The following THSD7B variants were observed in gnomAD, a reference collection of about 807,000 sequenced individuals.
THSD7B encodes thrombospondin type-1 domain-containing protein 7B.
In THSD7B, 138 loss-of-function variants were observed where a neutral mutation model predicts 213.6. The observed-to-expected ratio is 0.65, with a 90% CI of 0.56 to 0.74. The LOEUF is 0.74. Among genes scored for constraint, THSD7B ranks in the 30% least tolerant of loss-of-function variants. THSD7B has a pLI of 0.00. For synonymous variants in THSD7B, 742 were observed against 687.0 expected (o/e 1.08, Z -1.25); for missense variants, 1,931 against 1,991.5 (o/e 0.97, Z 0.58).
At chr2:136,879,200 C>T (rs1156330402) in intron 1 of THSD7B, among the ~76,000 whole-genome samples, 1 of 152,108 alleles carries the variant, frequency 6.6e-6, no homozygotes, top group East Asian at 1.9e-4. Context: ...TTGTTTTTGT[C>T]AGGTTTGTCA....
chr2:137,531,245 A>C (rs183208547), intron 15 of THSD7B, among the ~76,000 whole-genome samples: 189 of 152,082 alleles, frequency 1.2e-3, no homozygotes, highest in African/African-American at 3.8e-3. Context: ...GGTCTTCAAG[A>C]TCAGTAAAGC....
At chr2:137,501,848 A>G (rs1321712284) in intron 15 of THSD7B, among the ~76,000 whole-genome samples, 1 of 152,240 alleles carries the variant, frequency 6.6e-6, no homozygotes, top group Non-Finnish European at 1.5e-5. Flanking sequence ...AGGGTAGTTA[A>G]CAGAAATCTA....
chr2:137,026,310 A>G (rs1019244842), intron 2 of THSD7B, among the ~76,000 whole-genome samples: 3 of 152,294 alleles, frequency 2.0e-5, no homozygotes, highest in African/African-American at 7.2e-5. Flanking sequence ...CCTCTTCTAC[A>G]TCGTTCCCTA....
chr2:137,119,183 C>T (rs527857222), intron 5 of THSD7B, among the ~76,000 whole-genome samples: 7 of 152,180 alleles, frequency 4.6e-5, no homozygotes, highest in Non-Finnish European at 8.8e-5. Flanking sequence ...TGGTAAACCA[C>T]ATAAATGTTG....
intron 17 of THSD7B, among the ~76,000 whole-genome samples, chr2:137,611,165 G>A (rs1682282924): frequency 6.6e-6 from 1 of 151,666 alleles, no homozygotes. Flanking sequence ...CATTACATTA[G>A]TGGCCTTTAA....
chr2:137,186,798 G>A (rs1278138432), intron 7 of THSD7B, among the ~76,000 whole-genome samples: 2 of 151,984 alleles, frequency 1.3e-5, no homozygotes, highest in African/African-American at 4.8e-5. Context: ...ACATTGTTTT[G>A]AACAGTATGA....
At chr2:137,048,589 G>A (rs1454259155) in intron 2 of THSD7B, among the ~76,000 whole-genome samples, 4 of 152,144 alleles carry the variant, frequency 2.6e-5, no homozygotes, top group South Asian at 4.1e-4. Context: ...CTTGAGTTGC[G>A]TAATGGTAAA....
intron 12 of THSD7B, among the ~76,000 whole-genome samples, chr2:137,277,242 G>T (rs1012369938): frequency 6.6e-6 from 1 of 151,970 alleles, no homozygotes; most frequent in African/African-American, 2.4e-5. Context: ...GTATGTAAAT[G>T]ATGTAAAATT....
intron 2 of THSD7B, among the ~76,000 whole-genome samples, chr2:136,938,415 A>AT (rs71855660): frequency 7.9e-5 from 12 of 151,282 alleles, no homozygotes; most frequent in South Asian, 6.3e-4. Context: ...GATCAAGCAT[A>AT]TTTTTTTTTG....
chr2:137,015,749 C>A (rs1204369544), intron 2 of THSD7B, among the ~76,000 whole-genome samples: 1 of 152,156 alleles, frequency 6.6e-6, no homozygotes, highest in East Asian at 1.9e-4. Flanking sequence ...TCTTGGGAAA[C>A]TCCTCCTTAT....
At chr2:137,459,996 C>T (rs1222236499) in intron 15 of THSD7B, among the ~76,000 whole-genome samples, 1 of 152,132 alleles carries the variant, frequency 6.6e-6, no homozygotes, top group East Asian at 1.9e-4. Context: ...CTGAAGTCAG[C>T]CATGGAAAAA....
chr2:137,319,087 C>T (rs1327962473), intron 12 of THSD7B, among the ~76,000 whole-genome samples: 2 of 152,010 alleles, frequency 1.3e-5, no homozygotes, highest in Non-Finnish European at 2.9e-5. Context: ...AATCTTTACT[C>T]AGGGTATAAT....
chr2:136,902,171 G>T (rs1033240796), intron 2 of THSD7B, among the ~76,000 whole-genome samples: 4 of 152,122 alleles, frequency 2.6e-5, no homozygotes, highest in Admixed American at 6.5e-5. Context: ...TCATTAAAGG[G>T]TCTAAAGCTG....
At chr2:137,482,205 G>C (rs1034600222) in intron 15 of THSD7B, among the ~76,000 whole-genome samples, 2 of 149,914 alleles carry the variant, frequency 1.3e-5, no homozygotes, top group East Asian at 3.9e-4. Context: ...AAAAAAAAAG[G>C]GTTTAGCCAT....
chr2:137,202,700 G>C (rs1033034139), intron 7 of THSD7B, among the ~76,000 whole-genome samples: 1 of 152,104 alleles, frequency 6.6e-6, no homozygotes, highest in Non-Finnish European at 1.5e-5. Context: ...TAAGTTTATG[G>C]CTCCATGAGT....
intron 3 of THSD7B, among the ~76,000 whole-genome samples, chr2:137,087,948 T>C (rs112668747): frequency 0.022 from 3,359 of 152,066 alleles, 120 homozygotes; most frequent in African/African-American, 0.078. Flanking sequence ...TGGTATAAAA[T>C]AGGTACACAG....
At chr2:136,966,376 C>G (rs1178833820) in intron 2 of THSD7B, among the ~76,000 whole-genome samples, 2 of 152,038 alleles carry the variant, frequency 1.3e-5, no homozygotes, top group Non-Finnish European at 2.9e-5. Flanking sequence ...CACCACCACA[C>G]TCAGCTAGTT....
At chr2:137,058,945 C>A (rs1687220430) in intron 3 of THSD7B, among the ~76,000 whole-genome samples, 1 of 152,146 alleles carries the variant, frequency 6.6e-6, no homozygotes, top group Admixed American at 6.5e-5. Flanking sequence ...GTTTTTTAAG[C>A]CATCCAGCTT....
chr2:137,470,380 A>G (rs959808316), intron 15 of THSD7B, among the ~76,000 whole-genome samples: 1 of 152,218 alleles, frequency 6.6e-6, no homozygotes, highest in African/African-American at 2.4e-5. Context: ...AAATTATTAT[A>G]AAAGAGACGG....
Sources: allele counts gnomAD v4.1 joint callset (sites outside exome capture counted in the v4.1 genomes callset), GRCh38; gene constraint gnomAD v4.1.1; transcripts MANE v1.5; gene names NCBI Gene and HGNC (gene_info 2026-07-23, HGNC 2026-07-21).